WDR72: variants seen among roughly 807,000 people sequenced by gnomAD.
WDR72 encodes the protein WD repeat domain 72, also known as WD repeat-containing protein 72.
A neutral mutation model predicts 124.2 loss-of-function variants in WDR72; 120 were observed. The observed-to-expected ratio is 0.97, with a 90% CI of 0.83 to 1.12. The LOEUF (loss-of-function observed/expected upper bound fraction) is 1.12. Ranked by LOEUF, WDR72 falls within the 50% of genes most tolerant of loss-of-function variation. The pLI is 0.00. For missense variants in WDR72, 1,387 were observed against 1,278.8 expected (o/e 1.08, Z -1.29); for synonymous variants, 452 against 441.7 (o/e 1.02, Z -0.29).
rs545340834 is a variant in WDR72 at position 53,719,393 on chromosome 15, G to T, written c.261-2708C>A. On this transcript the variant is annotated intron_variant, in intron 3 of 19. Transcript: ENST00000360509. ...TATATTTCACTCTCTTCCTGGGTAA[G>T]TTATCTACTCCCCTGGCTTCAGGTA... 6.6e-5 allele frequency among the ~76,000 whole-genome samples: 10 copies of T among 152,144 alleles called. No individual in the cohort carries two copies. In the East Asian group the frequency reaches 1.7e-3, roughly 27 times the overall value.
At chr15:53,564,709 C>G (rs1256214931) in intron 18 of WDR72, among the ~76,000 whole-genome samples, 1 of 151,850 alleles carries the variant, frequency 6.6e-6, no homozygotes, top group African/African-American at 2.4e-5. Flanking sequence ...TATCAAAGGT[C>G]TTATTCAGTA....
At chr15:53,710,530 A>G (rs908222551) in intron 9 of WDR72, among the ~76,000 whole-genome samples, 1 of 152,232 alleles carries the variant, frequency 6.6e-6, no homozygotes, top group African/African-American at 2.4e-5. Context: ...TACATACAAC[A>G]AAGTAAAAAA....
rs961825760 is a variant in WDR72, at chr15:53,710,955, T to C, written c.858-2A>G. The stretch of plus-strand genomic sequence containing the variant: ...GGGTATATGCTTTTTGAAAGCCCAC[T>C]GCGTGGCAAAAATAAAAAGCAAAGT... On this transcript the variant is annotated splice_acceptor_variant, in intron 8 of 19. Transcript: ENST00000360509. LOFTEE classifies it high-confidence loss of function. The C allele has an allele frequency of 5.6e-6, 9 of 1,612,570 alleles. No homozygotes were observed. The Middle Eastern group carries it at 4.9e-4, about 89-fold the overall frequency.
chr15:53,611,593 T>G (rs1906397), intron 16 of WDR72, among the ~76,000 whole-genome samples: 65,994 of 151,828 alleles, frequency 0.43, 14,657 homozygotes, highest in Middle Eastern at 0.6. Flanking sequence ...GCTATTTAGA[T>G]GGAACATTAT....
chr15:53,652,700 C>A (rs1410124734), intron 14 of WDR72, among the ~76,000 whole-genome samples: 1 of 152,028 alleles, frequency 6.6e-6, no homozygotes, highest in Non-Finnish European at 1.5e-5. Flanking sequence ...TTTTAGACAA[C>A]TTTGTTATTA....
rs1358634281 is a variant in WDR72, at chr15:53,518,152, C to CAATA, written c.3254-399_3254-398insTATT. On this transcript the variant is annotated intron_variant, in intron 19 of 19. Transcript: ENST00000360509. ...TTGTTCTTAGAAAAATCCACAACTG[C>CAATA]AGTTTTAGGGTCAAAATTTATTAGT... Among the ~76,000 whole-genome samples, 35 of 151,954 alleles carry CAATA rather than the reference C, an allele frequency of 2.3e-4. No individual in the cohort carries two copies. In the East Asian group the frequency reaches 6.8e-3, roughly 30 times the overall value.
intron 13 of WDR72, among the ~76,000 whole-genome samples, chr15:53,668,721 T>C (rs2015863652): frequency 6.6e-6 from 1 of 151,664 alleles, no homozygotes; most frequent in South Asian, 2.1e-4. Context: ...CTGGGCAACA[T>C]TGGAGAAACT....
intron 2 of WDR72, among the ~76,000 whole-genome samples, chr15:53,726,697 A>G (rs551159733): frequency 1.2e-4 from 18 of 152,016 alleles, no homozygotes; most frequent in Admixed American, 6.6e-4. Context: ...TTAAAAAATT[A>G]GCTGGGCATG....
At chr15:53,639,796 G>GAGACCACCTTCCCTAA (rs1399794950) in intron 14 of WDR72, among the ~76,000 whole-genome samples, 1 of 151,836 alleles carries the variant, frequency 6.6e-6, no homozygotes, top group Non-Finnish European at 1.5e-5. Flanking sequence ...TTTCCCTCAA[G>GAGACCACCTTCCCTAA]AGACCACCTT....
At chr15:53,610,370 G>A (rs762437443) in intron 16 of WDR72, among the ~76,000 whole-genome samples, 2 of 152,024 alleles carry the variant, frequency 1.3e-5, no homozygotes, top group Middle Eastern at 3.4e-3. Flanking sequence ...CTTTCTGATG[G>A]CTACAGTCTA....
intron 14 of WDR72, chr15:53,652,167 A>AC (rs895125054): frequency 6.6e-5 from 10 of 152,194 alleles, no homozygotes; most frequent in African/African-American, 2.4e-4. Context: ...GAATAGAGTC[A>AC]CCAGAACCAC....
intron 18 of WDR72, among the ~76,000 whole-genome samples, chr15:53,570,497 ACTAACCATCAGAGATG>A (rs1399663494): frequency 1.3e-5 from 2 of 152,106 alleles, no homozygotes; most frequent in Non-Finnish European, 2.9e-5. Context: ...GCTCAACATT[ACTAACCATCAGAGATG>A]CAAATCAAAG....
At chr15:53,746,237 G>C (rs2018640850) in intron 1 of WDR72, among the ~76,000 whole-genome samples, 1 of 152,228 alleles carries the variant, frequency 6.6e-6, no homozygotes. Flanking sequence ...CTTGTCTGAG[G>C]GTAGCAGAAT....
At chr15:53,751,002 C>A (rs2018760509) in intron 1 of WDR72, among the ~76,000 whole-genome samples, 1 of 152,186 alleles carries the variant, frequency 6.6e-6, no homozygotes, top group African/African-American at 2.4e-5. Flanking sequence ...CAGAATATTA[C>A]ATAAACTTAG....
At chr15:53,629,213 T>TGA (rs888410502) in intron 14 of WDR72, among the ~76,000 whole-genome samples, 34 of 87,074 alleles carry the variant, frequency 3.9e-4, no homozygotes, top group East Asian at 1.3e-3. Context: ...AGAGAGAGAG[T>TGA]GAGAGAGAGA....
chr15:53,738,152 T>A (rs1395538041), intron 1 of WDR72, among the ~76,000 whole-genome samples: 1 of 152,204 alleles, frequency 6.6e-6, no homozygotes, highest in Non-Finnish European at 1.5e-5. Context: ...AAACGTTGTA[T>A]AATAAAATTT....
chr15:53,667,874 T>C (rs894537002), intron 13 of WDR72, among the ~76,000 whole-genome samples: 1 of 152,222 alleles, frequency 6.6e-6, no homozygotes, highest in African/African-American at 2.4e-5. Context: ...ATACAACATT[T>C]CTTGTATTTT....
At chr15:53,617,607 A>T (rs2013821379) in intron 14 of WDR72, among the ~76,000 whole-genome samples, 1 of 151,862 alleles carries the variant, frequency 6.6e-6, no homozygotes, top group African/African-American at 2.4e-5. Flanking sequence ...CAAATCAATA[A>T]GAAGAGGCTC....
intron 18 of WDR72, among the ~76,000 whole-genome samples, chr15:53,529,495 G>A (rs1039170847): frequency 5.3e-5 from 8 of 151,930 alleles, no homozygotes; most frequent in Non-Finnish European, 7.4e-5. Flanking sequence ...GATACTAAGA[G>A]GGTAAATGGC....
Sources: gnomAD v4.1 joint callset for allele counts (sites outside exome capture counted in the v4.1 genomes callset) on GRCh38, gnomAD v4.1.1 for gene constraint, MANE v1.5 for transcripts, NCBI Gene and HGNC (gene_info 2026-07-23, HGNC 2026-07-21) for gene names.